NME7: variants seen among roughly 807,000 people sequenced by gnomAD.
NME7 encodes the protein NME/NM23 family member 7.
Under a neutral mutation model 49.1 loss-of-function variants are expected in NME7, and 41 were observed. The ratio of observed to expected loss-of-function variants is 0.83; its 90% CI spans 0.65 to 1.08. NME7 has a LOEUF of 1.08. Ranked by LOEUF, NME7 falls within the 50% of genes least tolerant of loss-of-function variation. NME7 has a pLI of 0.00. For missense variants in NME7, 423 were observed against 463.4 expected, an observed-to-expected ratio of 0.91 and a Z score of 0.80; for synonymous variants, 139 against 150.6, an observed-to-expected ratio of 0.92 and a Z score of 0.56.
chr1:169,251,336 T>G (rs1648567242), intron 7 of NME7, among the ~76,000 whole-genome samples: 1 of 152,074 alleles, frequency 6.6e-6, no homozygotes, highest in African/African-American at 2.4e-5. Flanking sequence ...AATATCTTTT[T>G]GCACTCCTAT....
At chr1:169,292,960 C>A (rs941005037) in intron 6 of NME7, among the ~76,000 whole-genome samples, 1 of 151,968 alleles carries the variant, frequency 6.6e-6, no homozygotes, top group Non-Finnish European at 1.5e-5. Context: ...AAATTTCTTT[C>A]CTAGAGATGT....
At chr1:169,178,013 G>T (rs1290618869) in intron 10 of NME7, among the ~76,000 whole-genome samples, 2 of 151,350 alleles carry the variant, frequency 1.3e-5, no homozygotes, top group African/African-American at 4.9e-5. Flanking sequence ...ATTTTTTTTT[G>T]TATTTTTAGT....
At chr1:169,329,582 T>C (rs1218556090) in intron 1 of NME7, among the ~76,000 whole-genome samples, 3 of 151,844 alleles carry the variant, frequency 2.0e-5, no homozygotes, top group Non-Finnish European at 4.4e-5. Flanking sequence ...AGTCCTTTAA[T>C]GGCAGAATTG....
rs1448358024 is a variant in NME7, at chr1:169,316,235, G to A, written c.279-6155C>T. 3.3e-5 allele frequency among the ~76,000 whole-genome samples: 5 copies of A among 151,944 alleles called. No homozygotes were observed. The East Asian group carries it at 9.6e-4, about 29-fold the overall frequency. On this transcript the variant is annotated intron_variant, in intron 3 of 11. Transcript: ENST00000367811. ...TAACATGCAGGCAAAAAAACTGAAT[G>A]TCCAAAAACAACAATAATAACAAAA... is the stretch of plus-strand genomic sequence containing the variant.
chr1:169,194,098 G>A (rs1660307976), intron 10 of NME7, among the ~76,000 whole-genome samples: 1 of 151,940 alleles, frequency 6.6e-6, no homozygotes, highest in Non-Finnish European at 1.5e-5. Context: ...AATGAGTTAA[G>A]GAATGGGGAA....
chr1:169,262,171 C>A (rs1468767579), intron 7 of NME7, among the ~76,000 whole-genome samples: 2 of 133,682 alleles, frequency 1.5e-5, no homozygotes, highest in Non-Finnish European at 3.5e-5. Flanking sequence ...AAGCCAGAAA[C>A]CATCCGGTAA....
In NME7 at chr1:169,256,197, A is replaced by G. The variant is rs1399035057; in HGVS notation, c.755-18510T>C. Among the ~76,000 whole-genome samples the G allele has an allele frequency of 1.5e-5, 2 of 133,360 alleles. 1 individual carries two copies. Among genetic ancestry groups the G allele is most frequent in the African/African-American group, 5.1e-5 (2 of 39,324 alleles). The allele number at this position is 133,360 out of a possible 152,430, so 87.5% of individuals were successfully genotyped here. The stretch of plus-strand genomic sequence containing the variant: ...TCCATTCTCCCCATCACTTTCAGGT[A>G]CACCAATCAGACGTAGATTTGGTCT... On this transcript the variant is annotated intron_variant, in intron 7 of 11. Transcript: ENST00000367811.
chr1:169,314,624 A>C (rs1309151375), intron 3 of NME7, among the ~76,000 whole-genome samples: 1 of 152,098 alleles, frequency 6.6e-6, no homozygotes, highest in Non-Finnish European at 1.5e-5. Context: ...ATTTATAAAA[A>C]AATTTTTTTA....
intron 10 of NME7, among the ~76,000 whole-genome samples, chr1:169,211,745 T>C (rs1660826802): frequency 6.6e-6 from 1 of 152,108 alleles, no homozygotes; most frequent in South Asian, 2.1e-4. Flanking sequence ...AAAATCTTCA[T>C]TTAAAAAATT....
Position 169,324,482 on chromosome 1 carries a change from C to G in NME7, c.22G>C (p.Val8Leu). The G allele has an allele frequency of 6.2e-7, 1 of 1,609,472 alleles. No individual in the cohort carries two copies. Among genetic ancestry groups the G allele is most frequent in the Non-Finnish European group, 8.5e-7 (1 of 1,176,242 alleles). MNHSERF[V>L]FIAEWYDPNA... ...GGATCATACCACTCTGCAATGAAAA[C>G]GAATCTTTCACTATGATTCTGCAAA... is the stretch of plus-strand genomic sequence containing the variant. The change falls in exon 2 of 12, where the codon GTT (valine) becomes CTT (leucine). Residue 8 changes from valine (V) to leucine (L), a missense_variant. Coordinates refer to ENST00000367811, the MANE Select transcript of NME7 (RefSeq NM_013330.5).
At chr1:169,204,145 C>T (rs1276002010) in intron 10 of NME7, among the ~76,000 whole-genome samples, 1 of 151,720 alleles carries the variant, frequency 6.6e-6, no homozygotes, top group Non-Finnish European at 1.5e-5. Flanking sequence ...AGTGAGTCAC[C>T]ACACCAGGCC....
In NME7 at chr1:169,336,107, G is replaced by A. The variant is rs979389603; in HGVS notation, c.4-11607C>T. Among the ~76,000 whole-genome samples the A allele has an allele frequency of 2.0e-5, 3 of 152,040 alleles. No homozygotes were observed. The South Asian group carries it at 6.3e-4, about 32-fold the overall frequency. On this transcript the variant is annotated intron_variant, in intron 1 of 11. Coordinates refer to ENST00000367811, the MANE Select transcript of NME7 (RefSeq NM_013330.5). ...GTGGGTTCGTGGTCTCGCTGGCTCAGGAGTGAAGCTGCAGACCTTTGCGGT... is the reference window on the plus strand; with the variant it reads ...GTGGGTTCGTGGTCTCGCTGGCTCAAGAGTGAAGCTGCAGACCTTTGCGGT...
intron 10 of NME7, among the ~76,000 whole-genome samples, chr1:169,178,107 G>C (rs554781567): frequency 6.6e-6 from 1 of 152,174 alleles, no homozygotes; most frequent in South Asian, 2.1e-4. Context: ...CCAAAGTGCT[G>C]GGATTACAGG....
At position 169,254,500 on chromosome 1, in the gene NME7, C is replaced by G. The variant is rs1387099555; in HGVS notation, c.755-16813G>C. Among the ~76,000 whole-genome samples, 3 of 151,334 alleles carry G rather than the reference C, an allele frequency of 2.0e-5. No individual in the cohort carries two copies. The East Asian group carries it at 6.0e-4, about 30-fold the overall frequency. ...TAGTGGTCTATCAATTTTGTTGATC[C>G]TTTCAAAAAACCAGCTCCTGGATTC... On this transcript the variant is annotated intron_variant, in intron 7 of 11. Transcript: ENST00000367811.
At chr1:169,330,901 G>A (rs1372196743) in intron 1 of NME7, among the ~76,000 whole-genome samples, 1 of 151,790 alleles carries the variant, frequency 6.6e-6, no homozygotes, top group East Asian at 1.9e-4. Context: ...AAGACTCCCA[G>A]TAAAGAAAAG....
intron 3 of NME7, chr1:169,322,169 T>G (rs1394687087): frequency 6.6e-6 from 1 of 152,232 alleles, no homozygotes; most frequent in African/African-American, 2.4e-5. Flanking sequence ...ATAAGTCTAA[T>G]TTTCAGCTGT....
At chr1:169,359,508 G>T (rs1653585428) in intron 1 of NME7, among the ~76,000 whole-genome samples, 1 of 151,512 alleles carries the variant, frequency 6.6e-6, no homozygotes, top group African/African-American at 2.4e-5. Context: ...ATGTGACCAG[G>T]ATATTACACA....
intron 4 of NME7, chr1:169,303,454 T>TCTTC (rs1491155238): frequency 5.9e-6 from 1 of 170,426 alleles, no homozygotes; most frequent in African/African-American, 2.5e-5. Flanking sequence ...TCTATCTTCT[T>TCTTC]CTTTTTTTTT....
At chr1:169,318,428 T>A (rs950027141) in intron 3 of NME7, among the ~76,000 whole-genome samples, 1 of 152,068 alleles carries the variant, frequency 6.6e-6, no homozygotes, top group Non-Finnish European at 1.5e-5. Flanking sequence ...GAGAGATCTA[T>A]GAAGGAGACA....
Sources: gnomAD v4.1 joint callset for allele counts (sites outside exome capture counted in the v4.1 genomes callset) on GRCh38, gnomAD v4.1.1 for gene constraint, MANE v1.5 for transcripts, NCBI Gene and HGNC (gene_info 2026-07-23, HGNC 2026-07-21) for gene names.